The following ELOVL6 variants were observed in gnomAD, a reference collection of about 807,000 sequenced individuals.
The protein encoded by ELOVL6 is very long chain fatty acid elongase 6.
In ELOVL6, 8 loss-of-function variants were observed where a neutral mutation model predicts 31.7. That is an observed-to-expected ratio of 0.25 (90% CI 0.15 to 0.45). ELOVL6 has a LOEUF of 0.45. Among genes scored for constraint, ELOVL6 ranks in the 20% least tolerant of loss-of-function variants. ELOVL6 has a pLI of 1.00. For synonymous variants in ELOVL6, 101 were observed against 117.7 expected, an observed-to-expected ratio of 0.86 and a Z score of 0.92; for missense variants, 126 against 326.4, an observed-to-expected ratio of 0.39 and a Z score of 4.73.
Position 110,048,326 on chromosome 4 carries a change from A to C in ELOVL6, c.*3012T>G, listed in dbSNP as rs1754750810. ...CTTTATGAATAGAGCATTTCTCACT[A>C]GAACTTCATTGCAAACTCATGGACT... On this transcript the variant is annotated 3_prime_UTR_variant, in exon 4 of 4. Coordinates refer to ENST00000302274, the MANE Select transcript of ELOVL6 (RefSeq NM_024090.3). The C allele has an allele frequency of 6.6e-6, 1 of 152,252 alleles. No homozygotes were observed. The highest frequency in any genetic ancestry group is 2.4e-5 in the African/African-American group (1 of 41,464). The allele number at this position is 152,252 out of a possible 1,614,324, so 9.4% of individuals were successfully genotyped here.
chr4:110,087,634 T>A (rs1236707952), intron 2 of ELOVL6, among the ~76,000 whole-genome samples: 1 of 152,164 alleles, frequency 6.6e-6, no homozygotes, highest in African/African-American at 2.4e-5. Flanking sequence ...TGGAATGAGT[T>A]TTTTAGTTTG....
chr4:110,168,913 A>G (rs925829207), intron 1 of ELOVL6, among the ~76,000 whole-genome samples: 12 of 152,208 alleles, frequency 7.9e-5, no homozygotes, highest in African/African-American at 2.9e-4. Context: ...TGGTAAGCTC[A>G]ATGATTATTA....
At chr4:110,098,195 G>A (rs959500493) in intron 2 of ELOVL6, among the ~76,000 whole-genome samples, 34 of 150,096 alleles carry the variant, frequency 2.3e-4, no homozygotes, top group East Asian at 1.6e-3. Context: ...GAGGGATACC[G>A]TCAAAAAAAA....
intron 1 of ELOVL6, among the ~76,000 whole-genome samples, chr4:110,165,686 T>A (rs1758755510): frequency 6.6e-6 from 1 of 152,200 alleles, no homozygotes; most frequent in Non-Finnish European, 1.5e-5. Context: ...TAATCACTTC[T>A]TTGAGAGTCA....
chr4:110,163,248 C>A (rs1476594384), intron 1 of ELOVL6, among the ~76,000 whole-genome samples: 1 of 152,166 alleles, frequency 6.6e-6, no homozygotes, highest in South Asian at 2.1e-4. Context: ...CTAACATGGT[C>A]TTCTCATTTG....
chr4:110,087,303 A>G (rs1336846374), intron 2 of ELOVL6, among the ~76,000 whole-genome samples: 4 of 152,012 alleles, frequency 2.6e-5, no homozygotes, highest in Admixed American at 1.3e-4. Context: ...GATGAGTCTA[A>G]TTTTCTTTCT....
intron 2 of ELOVL6, among the ~76,000 whole-genome samples, chr4:110,080,779 T>C (rs895621172): frequency 2.7e-4 from 41 of 152,136 alleles, no homozygotes; most frequent in Middle Eastern, 6.8e-3. Context: ...GGGTATTCAA[T>C]TAGGAAAAGA....
At chr4:110,068,869 T>G (rs972456620) in intron 2 of ELOVL6, among the ~76,000 whole-genome samples, 1 of 152,030 alleles carries the variant, frequency 6.6e-6, no homozygotes, top group Non-Finnish European at 1.5e-5. Flanking sequence ...TAGGCTGGGG[T>G]CCATGGCTCA....
At chr4:110,124,293 A>G (rs1238818739) in intron 1 of ELOVL6, among the ~76,000 whole-genome samples, 3 of 152,236 alleles carry the variant, frequency 2.0e-5, no homozygotes, top group Non-Finnish European at 4.4e-5. Context: ...ATAGCAAAAC[A>G]TGAAACCAAC....
At chr4:110,081,884 A>C (rs1225875827) in intron 2 of ELOVL6, among the ~76,000 whole-genome samples, 1 of 150,824 alleles carries the variant, frequency 6.6e-6, no homozygotes, top group Non-Finnish European at 1.5e-5. Flanking sequence ...AAAGAACTCA[A>C]ACAAATTTAC....
At position 110,101,976 on chromosome 4, in the gene ELOVL6, T is replaced by C. The variant is rs914280771; in HGVS notation, c.221+3521A>G. ...CCCAAAAAGTAAAAAATTGAGTTTA[T>C]TTTCTTCTAGTATCTCTATAAATAT... is the stretch of plus-strand genomic sequence containing the variant. On this transcript the variant is annotated intron_variant, in intron 2 of 3. Transcript: ENST00000302274. Among the ~76,000 whole-genome samples, 6 of 152,230 alleles carry C rather than the reference T, an allele frequency of 3.9e-5. No homozygotes were observed. The East Asian group carries it at 1.2e-3, about 29-fold the overall frequency.
At chr4:110,189,382 T>C (rs1382113675) in intron 1 of ELOVL6, among the ~76,000 whole-genome samples, 1 of 141,966 alleles carries the variant, frequency 7.0e-6, no homozygotes, top group African/African-American at 2.6e-5. Context: ...AGGCCAGGAG[T>C]TCGAGACCAG....
rs1754830824 is a variant in ELOVL6 at position 110,051,307 on chromosome 4, C to T, written c.*31G>A. The T allele has an allele frequency of 6.2e-7, 1 of 1,601,642 alleles. No homozygotes were observed. The highest frequency in any genetic ancestry group is 1.1e-5 in the South Asian group (1 of 89,232). On this transcript the variant is annotated 3_prime_UTR_variant, in exon 4 of 4. Coordinates refer to ENST00000302274, the MANE Select transcript of ELOVL6 (RefSeq NM_024090.3). This position sits in a 1 kb window ranked among gnomAD's most constrained non-coding sequence, Gnocchi z 4.8. ...TTGTCTATTATTTTTCTTGATGACC[C>T]TGAGCTATGGCTTCCTCCTCAGTTC...
At chr4:110,090,376 A>G (rs1034892471) in intron 2 of ELOVL6, among the ~76,000 whole-genome samples, 16 of 152,124 alleles carry the variant, frequency 1.1e-4, no homozygotes, top group African/African-American at 3.1e-4. Context: ...AAAAGTAGGC[A>G]CCCTCTATTC....
In ELOVL6 at chr4:110,107,998, T is replaced by A. The variant is rs192791921; in HGVS notation, c.90-2370A>T. On this transcript the variant is annotated intron_variant, in intron 1 of 3. Coordinates refer to ENST00000302274, the MANE Select transcript of ELOVL6 (RefSeq NM_024090.3). ...TCAGAAGAAAAAGGGGTACTTGAAG[T>A]GTTATCTTATAAGCTGTAAAAATTC... 2.0e-5 allele frequency among the ~76,000 whole-genome samples: 3 copies of A among 152,302 alleles called. No homozygotes were observed. In the East Asian group the frequency reaches 5.8e-4, roughly 29 times the overall value.
At chr4:110,088,366 C>A (rs1032344211) in intron 2 of ELOVL6, among the ~76,000 whole-genome samples, 13 of 152,166 alleles carry the variant, frequency 8.5e-5, no homozygotes, top group Admixed American at 8.5e-4. Flanking sequence ...GGACACATTC[C>A]AAGACCCCTG....
chr4:110,188,343 C>T (rs554012485), intron 1 of ELOVL6, among the ~76,000 whole-genome samples: 9 of 152,150 alleles, frequency 5.9e-5, no homozygotes, highest in Non-Finnish European at 1.3e-4. Flanking sequence ...ATACCTGACA[C>T]GTTTCCAGTG....
chr4:110,160,894 G>C (rs1011345510), intron 1 of ELOVL6, among the ~76,000 whole-genome samples: 1 of 152,164 alleles, frequency 6.6e-6, no homozygotes, highest in African/African-American at 2.4e-5. Flanking sequence ...GGTTTTAATT[G>C]TTGCTTTTCT....
chr4:110,084,655 C>T (rs61041575), intron 2 of ELOVL6, among the ~76,000 whole-genome samples: 30,446 of 121,046 alleles, frequency 0.25, 3,830 homozygotes, highest in Middle Eastern at 0.35. Flanking sequence ...AGTACAGTGG[C>T]GTGATCTCGG....
Sources: gnomAD v4.1 joint callset for allele counts (sites outside exome capture counted in the v4.1 genomes callset) on GRCh38, gnomAD v4.1.1 for gene constraint, Gnocchi (gnomAD v3.1) non-coding constraint, MANE v1.5 for transcripts, NCBI Gene and HGNC (gene_info 2026-07-23, HGNC 2026-07-21) for gene names.